PPFIA1: variants seen among roughly 807,000 people sequenced by gnomAD.
PPFIA1 encodes liprin-alpha-1.
Under a neutral mutation model 149.9 loss-of-function variants are expected in PPFIA1, and 25 were observed. The observed-to-expected ratio is 0.17, with a 90% confidence interval of 0.12 to 0.23. The LOEUF (loss-of-function observed/expected upper bound fraction) is 0.23. Among genes scored for constraint, PPFIA1 ranks in the 10% least tolerant of loss-of-function variants. The pLI, the probability that PPFIA1 is intolerant of heterozygous loss-of-function variation, is 1.00. For missense variants in PPFIA1, 1,362 were observed against 1,506.5 expected (o/e 0.90, Z 1.59); for synonymous variants, 549 against 552.8 (o/e 0.99, Z 0.10).
At chr11:70,289,319 T>A (rs908282614) in intron 2 of PPFIA1, among the ~76,000 whole-genome samples, 2 of 152,072 alleles carry the variant, frequency 1.3e-5, no homozygotes, top group African/African-American at 4.8e-5. Flanking sequence ...TAGAAAAAAA[T>A]GTTCATTAAA....
Position 70,356,154 on chromosome 11 carries a change from C to T in PPFIA1, c.2489-7C>T, listed in dbSNP as rs2056350589. 1 of 1,612,178 alleles carries T rather than the reference C, an allele frequency of 6.2e-7. No homozygotes were observed. ...TTTTACTTCTGGGCTGTTCTGCTTC[C>T]TCACAGCTGGTGTTTCCGAGACGGA... On this transcript the variant is annotated splice_region_variant and splice_polypyrimidine_tract_variant and intron_variant, in intron 18 of 27. Coordinates refer to ENST00000253925, the MANE Select transcript of PPFIA1 (RefSeq NM_003626.5).
chr11:70,312,534 A>T (rs888935551), intron 2 of PPFIA1, among the ~76,000 whole-genome samples: 39 of 152,146 alleles, frequency 2.6e-4, no homozygotes, highest in African/African-American at 8.7e-4. Flanking sequence ...GGTTCCCCCT[A>T]CAGGAGTGTT....
intron 2 of PPFIA1, among the ~76,000 whole-genome samples, chr11:70,278,495 A>T (rs2050552299): frequency 6.6e-6 from 1 of 152,060 alleles, no homozygotes; most frequent in Non-Finnish European, 1.5e-5. Context: ...ATTTGAAGTA[A>T]TACTTCTTTT....
chr11:70,380,713 C>T (rs1040687773), intron 26 of PPFIA1, among the ~76,000 whole-genome samples: 14 of 147,034 alleles, frequency 9.5e-5, no homozygotes, highest in South Asian at 4.3e-4. Context: ...CCAGCCTGGG[C>T]GACAAGAGCA....
chr11:70,324,295 A>G, intron 2 of PPFIA1, 107 bp from the exon 3 acceptor site: 3 of 720,750 alleles, frequency 4.2e-6, no homozygotes, highest in Non-Finnish European at 2.3e-6. Context: ...TCCCTTCCCC[A>G]TAACTTGTAA....
chr11:70,358,869 G>A (rs917948505), intron 19 of PPFIA1, among the ~76,000 whole-genome samples: 1 of 152,198 alleles, frequency 6.6e-6, no homozygotes, highest in Non-Finnish European at 1.5e-5. Context: ...AGCTTTGATA[G>A]CGCATAGTGC....
chr11:70,286,754 CTTTT>C (rs957912008), intron 2 of PPFIA1, among the ~76,000 whole-genome samples: 2 of 124,002 alleles, frequency 1.6e-5, no homozygotes, highest in East Asian at 2.3e-4. Context: ...TTCTTTCTTT[CTTTT>C]TTTTTTTTTT....
At position 70,356,238 on chromosome 11, in the gene PPFIA1, C is replaced by T; in HGVS notation, c.2566C>T (p.Arg856Cys). ...ATTGGGGGGACAGGCTGAAAAAAAT[C>T]GTAAACTTCAAAAAAAGTAAGCTTT... ...SKLGGQAEKN[R>C]KLQKKHELLE... Residue 856 changes from arginine (R) to cysteine (C), a missense_variant, in exon 19 of 28, where the codon CGT becomes TGT. Transcript: ENST00000253925. 1.2e-6 allele frequency: 2 copies of T among 1,613,112 alleles called. No homozygotes were observed. The highest frequency in any genetic ancestry group is 1.7e-4 in the Middle Eastern group (1 of 6,060).
chr11:70,335,758 C>A, intron 11 of PPFIA1, 64 bp downstream of exon 11: 1 of 1,582,778 alleles, frequency 6.3e-7, no homozygotes, highest in Non-Finnish European at 8.7e-7. Flanking sequence ...TGCTCATCTG[C>A]CCCTGAGCAG....
In PPFIA1 at chr11:70,290,495, G is replaced by A. The variant is rs551372256; in HGVS notation, c.264+18059G>A. ...GTTGGCGCCTGCTAATGCTAATTTA[G>A]AGATGTGGACAAAATGTTTCCACTT... On this transcript the variant is annotated intron_variant, in intron 2 of 27. Transcript: ENST00000253925. Among the ~76,000 whole-genome samples the A allele has an allele frequency of 1.5e-4, 23 of 152,338 alleles. No homozygotes were observed. In the East Asian group the frequency reaches 4.4e-3, roughly 29 times the overall value.
chr11:70,294,105 C>G (rs2051726073), intron 2 of PPFIA1, among the ~76,000 whole-genome samples: 1 of 151,920 alleles, frequency 6.6e-6, no homozygotes, highest in Admixed American at 6.6e-5. Flanking sequence ...CCATGCCCAG[C>G]TGAGTTTTGT....
chr11:70,332,867 C>T (rs1429109932), intron 9 of PPFIA1, among the ~76,000 whole-genome samples: 1 of 152,200 alleles, frequency 6.6e-6, no homozygotes, highest in African/African-American at 2.4e-5. Flanking sequence ...TCCTTCTGGA[C>T]CATTCAGATG....
At chr11:70,313,759 A>G (rs2053430870) in intron 2 of PPFIA1, among the ~76,000 whole-genome samples, 1 of 152,114 alleles carries the variant, frequency 6.6e-6, no homozygotes, top group Non-Finnish European at 1.5e-5. Flanking sequence ...CCTCCAAGAT[A>G]TCTTGCCTGT....
chr11:70,342,697 A>G (rs1321650827), intron 14 of PPFIA1, among the ~76,000 whole-genome samples: 1 of 152,112 alleles, frequency 6.6e-6, no homozygotes, highest in Non-Finnish European at 1.5e-5. Context: ...AACTCAGTTG[A>G]TATGGATTTA....
chr11:70,279,922 T>TGTGTGTGTGTGTGTGTGTGTGTGTGTGTG (rs1555077789), intron 2 of PPFIA1, among the ~76,000 whole-genome samples: 1 of 151,680 alleles, frequency 6.6e-6, no homozygotes, highest in African/African-American at 2.4e-5. Context: ...TGTGTGTATA[T>TGTGTGTGTGTGTGTGTGTGTGTGTGTGTG]TTTTGGGACA....
intron 2 of PPFIA1, 116 bp from the exon 3 acceptor site, chr11:70,324,286 C>A: frequency 1.5e-6 from 1 of 658,742 alleles, no homozygotes. Flanking sequence ...TCACTGAGAT[C>A]CCTTCCCCAT....
chr11:70,318,685 C>G (rs571924527), intron 2 of PPFIA1, among the ~76,000 whole-genome samples: 3 of 152,254 alleles, frequency 2.0e-5, no homozygotes, highest in Non-Finnish European at 4.4e-5. Context: ...TTTTGACCCG[C>G]CACTGCAGCA....
At chr11:70,274,549 C>T (rs1459181687) in intron 2 of PPFIA1, among the ~76,000 whole-genome samples, 1 of 152,196 alleles carries the variant, frequency 6.6e-6, no homozygotes, top group Non-Finnish European at 1.5e-5. Context: ...TTCATTCTGT[C>T]GTCAGCATCA....
At chr11:70,362,036 C>T (rs1264233904) in intron 19 of PPFIA1, 59 bp from the exon 20 acceptor site, 18 of 1,511,460 alleles carry the variant, frequency 1.2e-5, no homozygotes, top group South Asian at 1.1e-4. Flanking sequence ...GCTGGGATTA[C>T]AGGTGTGAGC....
Sources: gnomAD v4.1 joint callset for allele counts (sites outside exome capture counted in the v4.1 genomes callset) on GRCh38, gnomAD v4.1.1 for gene constraint, MANE v1.5 for transcripts, NCBI Gene and HGNC (gene_info 2026-07-23, HGNC 2026-07-21) for gene names.